Variants in TBC1D19 observed in about 807,000 individuals in gnomAD.
TBC1D19 encodes the protein TBC1 domain family, member 19.
TBC1D19 carries 60 observed loss-of-function variants against 89.0 expected under a neutral mutation model. That is an observed-to-expected ratio of 0.67 (90% CI 0.55 to 0.84). The LOEUF (loss-of-function observed/expected upper bound fraction) is 0.84. Ranked by LOEUF, TBC1D19 falls within the 40% of genes least tolerant of loss-of-function variation. TBC1D19 has a pLI of 0.00. For synonymous variants in TBC1D19, 189 were observed against 199.7 expected, an observed-to-expected ratio of 0.95 and a Z score of 0.45; for missense variants, 500 against 610.8, an observed-to-expected ratio of 0.82 and a Z score of 1.91.
intron 11 of TBC1D19, among the ~76,000 whole-genome samples, chr4:26,682,663 CAT>C (rs1258262870): frequency 6.6e-6 from 1 of 152,200 alleles, no homozygotes; most frequent in African/African-American, 2.4e-5. Context: ...GAGCAATACA[CAT>C]GTCAGCTAAA....
chr4:26,599,269 G>A (rs1370385182), intron 1 of TBC1D19, among the ~76,000 whole-genome samples: 2 of 152,138 alleles, frequency 1.3e-5, no homozygotes, highest in Admixed American at 1.3e-4. Context: ...TTTACAATCT[G>A]CTTTAATAAT....
chr4:26,846,701 C>T, the TBC1D19 span, among the ~76,000 whole-genome samples: 1 of 152,080 alleles, frequency 6.6e-6, no homozygotes, highest in Non-Finnish European at 1.5e-5. Flanking sequence ...AACACTTTAC[C>T]CATCTGGAGT....
chr4:26,673,791 A>C lies in TBC1D19; in HGVS notation c.719A>C (p.Asp240Ala), dbSNP rs756048874. ...RIGQKVLAEQ[D>A]SAAAQQYIRQ... ...CTTTTGATAGTTCTAGCAGAACAAG[A>C]TAGTGCTGCTGCTCAACAGTACATC... Residue 240 changes from aspartate to alanine, a missense_variant, in exon 11 of 21, where the codon GAT becomes GCT. This residue lies in a region of TBC1D19 where 280 missense variants were observed against 291.7 expected (regional missense o/e 0.96). Transcript: ENST00000264866. 1.3e-5 allele frequency: 21 copies of C among 1,608,002 alleles called. 1 individual carries two copies. In the South Asian group the frequency reaches 2.3e-4, roughly 18 times the overall value.
At chr4:26,720,001 A>G in intron 14 of TBC1D19, 80 bp from the exon 15 acceptor site, 1 of 1,175,946 alleles carries the variant, frequency 8.5e-7, no homozygotes, top group South Asian at 1.5e-5. Flanking sequence ...TTCCGTTGTT[A>G]GTACATTCAC....
chr4:26,647,799 G>A (rs1025863031), intron 7 of TBC1D19, among the ~76,000 whole-genome samples: 1 of 151,936 alleles, frequency 6.6e-6, no homozygotes, highest in African/African-American at 2.4e-5. Flanking sequence ...ATGTCTACCT[G>A]CATGTTCCCT....
chr4:26,682,205 C>T (rs896711862), intron 11 of TBC1D19, among the ~76,000 whole-genome samples: 1 of 152,036 alleles, frequency 6.6e-6, no homozygotes, highest in Non-Finnish European at 1.5e-5. Flanking sequence ...GCTGTTTCTA[C>T]CATTAAGGAG....
chr4:26,631,864 T>C (rs1742826598), intron 4 of TBC1D19, among the ~76,000 whole-genome samples: 2 of 152,128 alleles, frequency 1.3e-5, no homozygotes, highest in South Asian at 4.1e-4. Context: ...TACTTTCTTA[T>C]GATGTCTAAT....
At chr4:26,784,719 T>A in the TBC1D19 span, among the ~76,000 whole-genome samples, 1 of 152,250 alleles carries the variant, frequency 6.6e-6, no homozygotes, top group African/African-American at 2.4e-5. Context: ...AGTGACAACA[T>A]GCTTGAGTAT....
intron 1 of TBC1D19, among the ~76,000 whole-genome samples, chr4:26,594,237 T>G (rs1019510345): frequency 7.2e-5 from 11 of 151,964 alleles, no homozygotes; most frequent in African/African-American, 2.7e-4. Flanking sequence ...AACTATCGCA[T>G]GGACAAAAAA....
At chr4:26,735,343 G>C (rs530413629) in intron 15 of TBC1D19, 112 bp from the exon 16 acceptor site, 3 of 798,430 alleles carry the variant, frequency 3.8e-6, no homozygotes, top group Admixed American at 3.4e-5. Context: ...TTTATGAACA[G>C]AGTTGAAGCA....
intron 1 of TBC1D19, 148 bp downstream of exon 1, chr4:26,584,440 A>G (rs1739289207): frequency 1.4e-6 from 1 of 703,938 alleles, no homozygotes; most frequent in Non-Finnish European, 2.3e-6. Context: ...AACAAAAACA[A>G]AAACAAAAAC....
chr4:26,856,594 C>A, the TBC1D19 span, among the ~76,000 whole-genome samples: 1 of 152,234 alleles, frequency 6.6e-6, no homozygotes, highest in South Asian at 2.1e-4. Flanking sequence ...TTTCCACTAA[C>A]AGTATACCAG....
At chr4:26,644,309 C>G (rs1007009569) in intron 7 of TBC1D19, among the ~76,000 whole-genome samples, 1 of 152,026 alleles carries the variant, frequency 6.6e-6, no homozygotes, top group East Asian at 1.9e-4. Context: ...ATAAACAGAA[C>G]CAAAGACAAA....
chr4:26,600,486 A>G (rs748752690), intron 1 of TBC1D19, among the ~76,000 whole-genome samples: 7 of 152,244 alleles, frequency 4.6e-5, no homozygotes, highest in Non-Finnish European at 7.3e-5. Context: ...TTCAGCTTTT[A>G]GAGAAAACTG....
the TBC1D19 span, among the ~76,000 whole-genome samples, chr4:26,817,824 C>T: frequency 4.1e-3 from 615 of 151,642 alleles, 6 homozygotes; most frequent in African/African-American, 0.014. Flanking sequence ...AAAAATTAGC[C>T]GGGCGTGGTG....
At chr4:26,826,379 G>A in the TBC1D19 span, among the ~76,000 whole-genome samples, 12 of 150,750 alleles carry the variant, frequency 8.0e-5, no homozygotes, top group South Asian at 2.1e-4. Flanking sequence ...ATGAATAGAA[G>A]GATATTTCAA....
At chr4:26,850,677 TCA>T in the TBC1D19 span, among the ~76,000 whole-genome samples, 1 of 151,942 alleles carries the variant, frequency 6.6e-6, no homozygotes, top group Non-Finnish European at 1.5e-5. Flanking sequence ...GATCCCTTGC[TCA>T]CAGTCCTCAG....
At chr4:26,635,852 A>G (rs1328612101) in intron 4 of TBC1D19, among the ~76,000 whole-genome samples, 1 of 152,102 alleles carries the variant, frequency 6.6e-6, no homozygotes, top group Non-Finnish European at 1.5e-5. Context: ...CTAAAAGGTG[A>G]ATAAGATTTA....
chr4:26,782,378 T>C, the TBC1D19 span, among the ~76,000 whole-genome samples: 2 of 152,168 alleles, frequency 1.3e-5, no homozygotes, highest in African/African-American at 4.8e-5. Flanking sequence ...AGTGGAGGGC[T>C]CCTGCACACA....
Sources: allele counts gnomAD v4.1 joint callset (sites outside exome capture counted in the v4.1 genomes callset), GRCh38; gene constraint gnomAD v4.1.1; regional missense constraint gnomAD v4.1.1; transcripts MANE v1.5; gene names NCBI Gene and HGNC (gene_info 2026-07-23, HGNC 2026-07-21).